Variants in TCL1A observed in about 807,000 individuals in gnomAD.
The protein encoded by TCL1A is T-cell leukemia/lymphoma protein 1A.
In TCL1A, 9 loss-of-function variants were observed where a neutral mutation model predicts 16.9. The observed-to-expected ratio is 0.53, with a 90% CI of 0.32 to 0.93. The LOEUF (loss-of-function observed/expected upper bound fraction) is 0.93. Among genes scored for constraint, TCL1A ranks in the 40% least tolerant of loss-of-function variants. TCL1A has a pLI of 0.04. For missense variants in TCL1A, 139 were observed against 153.0 expected, an observed-to-expected ratio of 0.91 and a Z score of 0.48; for synonymous variants, 69 against 63.2, an observed-to-expected ratio of 1.09 and a Z score of -0.44.
At chr14:95,713,761 C>G (rs375313256) in intron 1 of TCL1A, among the ~76,000 whole-genome samples, 186 bp downstream of exon 1, 1 of 152,286 alleles carries the variant, frequency 6.6e-6, no homozygotes, top group Admixed American at 6.5e-5. Context: ...TGCGGTTTTC[C>G]CACCCTTCTT....
rs1566745836 is a variant in TCL1A, at chr14:95,710,352, C to T, written c.*536G>A. 2.0e-5 allele frequency: 3 copies of T among 149,576 alleles called. No individual in the cohort carries two copies. Among genetic ancestry groups the T allele is most frequent in the Admixed American group, 7.1e-5 (1 of 14,012 alleles). The allele number at this position is 149,576 out of a possible 1,614,324, so 9.3% of individuals were successfully genotyped here. A position where few individuals can be genotyped will look rare whatever the true frequency, so the allele number is the denominator to read the frequency against. ...CACGTGAACCTGTGTGGGCAGGCAG[C>T]GTTTGCAGGCGTGTTTACGGGCAGG... On this transcript the variant is annotated 3_prime_UTR_variant, in exon 4 of 4. Coordinates refer to ENST00000402399, the MANE Select transcript of TCL1A (RefSeq NM_021966.3).
intron 1 of TCL1A, 150 bp downstream of exon 1, chr14:95,713,797 C>T (rs1886473339): frequency 3.2e-6 from 4 of 1,255,910 alleles, no homozygotes; most frequent in Admixed American, 2.4e-5. Context: ...TCCTATTCAT[C>T]CTCCAGAGCC....
intron 2 of TCL1A, 108 bp from the exon 3 acceptor site, chr14:95,711,910 G>C: frequency 7.0e-7 from 1 of 1,428,780 alleles, no homozygotes; most frequent in Non-Finnish European, 9.5e-7. Context: ...TAGGAACCCA[G>C]GTGTGAGGAT....
chr14:95,714,061 G>C lies in TCL1A; in HGVS notation c.6C>G (p.Ala2=), dbSNP rs536141835. ...CTGCCTCCCCGAGTGTCGGGCACTC[G>C]GCCATGGCGTCCTCGGGCCGCCTAA... M[A]ECPTLGEAVT... Residue 2 remains alanine (A), a synonymous_variant, in exon 1 of 4, where the codon GCC becomes GCG. Transcript: ENST00000402399. 2.4e-5 allele frequency: 38 copies of C among 1,613,578 alleles called. No homozygotes were observed. The South Asian group carries it at 3.5e-4, about 15-fold the overall frequency.
chr14:95,711,998 G>T, intron 2 of TCL1A, 196 bp from the exon 3 acceptor site: 2 of 862,492 alleles, frequency 2.3e-6, no homozygotes, highest in Non-Finnish European at 3.5e-6. Context: ...TCTTCCTGCG[G>T]CTAGCTGGTG....
intron 1 of TCL1A, among the ~76,000 whole-genome samples, chr14:95,713,661 G>C (rs1886454696): frequency 1.3e-5 from 2 of 152,266 alleles, no homozygotes; most frequent in Middle Eastern, 3.4e-3. Context: ...TTAAGGATTA[G>C]GACCCCGAAG....
intron 1 of TCL1A, among the ~76,000 whole-genome samples, chr14:95,713,537 C>A (rs181596089): frequency 1.3e-5 from 2 of 152,236 alleles, no homozygotes; most frequent in African/African-American, 4.8e-5. Context: ...GTTTGCTATG[C>A]CTGGTTGACC....
At position 95,713,975 on chromosome 14, in the gene TCL1A, T is replaced by C. The variant is rs1390789762; in HGVS notation, c.92A>G (p.Gln31Arg). The C allele has an allele frequency of 6.2e-7, 1 of 1,614,066 alleles. No homozygotes were observed. The highest frequency in any genetic ancestry group is 1.6e-4 in the Middle Eastern group (1 of 6,062). ...WEKFVYLDEK[Q>R]HAWLPLTIEI... ...GATGGTTAAGGGCAGCCAGGCGTGC[T>C]GCTTCTCGTCCAAATACACGAACTT... is the stretch of plus-strand genomic sequence containing the variant. Residue 31 changes from glutamine (Q) to arginine (R), a missense_variant, in exon 1 of 4, where the codon CAG becomes CGG. Transcript: ENST00000402399.
chr14:95,710,869 G>C lies in TCL1A; in HGVS notation c.*19C>G, dbSNP rs1886329538. 6.5e-6 allele frequency: 1 copy of C among 152,934 alleles called. No homozygotes were observed. The highest frequency in any genetic ancestry group is 2.1e-4 in the South Asian group (1 of 4,834). 9.5% of individuals were successfully genotyped at this position (152,934 alleles called of 1,614,324 possible). On this transcript the variant is annotated 3_prime_UTR_variant, in exon 4 of 4. Coordinates refer to ENST00000402399, the MANE Select transcript of TCL1A (RefSeq NM_021966.3). ...CAGGCCCTGGGGTGAAAGGAGACAG[G>C]TGCTGCCAAGACCTGGAGAAGGACA...
intron 1 of TCL1A, among the ~76,000 whole-genome samples, chr14:95,713,136 T>G (rs1886413784): frequency 6.6e-6 from 1 of 152,208 alleles, no homozygotes; most frequent in Non-Finnish European, 1.5e-5. Flanking sequence ...CCCCATTACC[T>G]ACTAGCAATC....
intron 1 of TCL1A, among the ~76,000 whole-genome samples, chr14:95,713,444 C>G (rs1886435096): frequency 6.6e-6 from 1 of 152,226 alleles, no homozygotes. Flanking sequence ...AATACCGGCG[C>G]TTATACTACG....
intron 1 of TCL1A, 120 bp downstream of exon 1, chr14:95,713,827 C>A: frequency 2.0e-6 from 3 of 1,472,588 alleles, no homozygotes; most frequent in East Asian, 4.6e-5. Context: ...GTGGCTTCAT[C>A]TGTGGGGATC....
intron 1 of TCL1A, among the ~76,000 whole-genome samples, chr14:95,713,259 A>G (rs1445913045): frequency 6.6e-6 from 1 of 152,174 alleles, no homozygotes; most frequent in Admixed American, 6.5e-5. Context: ...TATATTTTTT[A>G]ATTTTTATGC....
chr14:95,712,781 G>T, intron 1 of TCL1A: 4 of 587,988 alleles, frequency 6.8e-6, no homozygotes, highest in African/African-American at 2.1e-5. Flanking sequence ...GTATCTACAG[G>T]AAAAAAAAAA....
At chr14:95,711,649 G>T in intron 3 of TCL1A, 100 bp downstream of exon 3, 1 of 1,379,342 alleles carries the variant, frequency 7.2e-7, no homozygotes. Context: ...GATGGCAGCA[G>T]TCGGGGAGGG....
Position 95,712,313 on chromosome 14 carries a change from G to T in TCL1A, c.204C>A (p.Gly68=). The change falls in exon 2 of 4, where the codon GGC becomes GGA. Residue 68 remains glycine (G), a synonymous_variant. Coordinates refer to ENST00000402399, the MANE Select transcript of TCL1A (RefSeq NM_021966.3). ...GCCACATGATAGGCAGCAGGCTTGG[G>T]CCTATCTGGGTGGGGGTCATAGGCC... The part of the protein sequence containing the change: ...LGRPMTPTQI[G]PSLLPIMWQL... The T allele has an allele frequency of 2.5e-6, 4 of 1,614,158 alleles. No individual in the cohort carries two copies. Among genetic ancestry groups the T allele is most frequent in the Non-Finnish European group, 3.4e-6 (4 of 1,180,024 alleles).
At chr14:95,711,195 C>T (rs1886338322) in intron 3 of TCL1A, among the ~76,000 whole-genome samples, 1 of 151,374 alleles carries the variant, frequency 6.6e-6, no homozygotes, top group South Asian at 2.1e-4. Flanking sequence ...CGTGGTGGCT[C>T]ATGCCTGTAA....
In TCL1A at chr14:95,711,743, G is replaced by A; in HGVS notation, c.*6+6C>T. On this transcript the variant is annotated splice_donor_region_variant and intron_variant, in intron 3 of 3. Coordinates refer to ENST00000402399, the MANE Select transcript of TCL1A (RefSeq NM_021966.3). ...CTAAGAGGGGTCAGGCTCCAGTGGA[G>A]CTCACCATACATCAGTCATCTGGCA... 1 of 1,613,080 alleles carries A rather than the reference G, an allele frequency of 6.2e-7. No individual in the cohort carries two copies. The highest frequency in any genetic ancestry group is 8.5e-7 in the Non-Finnish European group (1 of 1,179,830).
chr14:95,713,786 C>T (rs143694806), intron 1 of TCL1A, among the ~76,000 whole-genome samples, 161 bp downstream of exon 1: 3 of 152,310 alleles, frequency 2.0e-5, no homozygotes, highest in South Asian at 2.1e-4. Context: ...GCCTGGAGAA[C>T]TCCTATTCAT....
Sources: gnomAD v4.1 joint callset for allele counts (sites outside exome capture counted in the v4.1 genomes callset) on GRCh38, gnomAD v4.1.1 for gene constraint, MANE v1.5 for transcripts, NCBI Gene and HGNC (gene_info 2026-07-23, HGNC 2026-07-21) for gene names.